PIP5K1B: variants seen among roughly 807,000 people sequenced by gnomAD.
PIP5K1B encodes the protein phosphatidylinositol 4-phosphate 5-kinase type-1 beta.
A neutral mutation model predicts 67.0 loss-of-function variants in PIP5K1B; 42 were observed. The observed-to-expected ratio is 0.63, with a 90% confidence interval of 0.49 to 0.81. The LOEUF is 0.81. Ranked by LOEUF, PIP5K1B falls within the 30% of genes least tolerant of loss-of-function variation. The probability of loss-of-function intolerance (pLI) is 0.00; values close to 1 mark genes in which losing one functional copy is unlikely to be tolerated. For synonymous variants in PIP5K1B, 214 were observed against 231.4 expected (o/e 0.92, Z 0.68); for missense variants, 459 against 646.3 (o/e 0.71, Z 3.14).
At chr9:68,991,757 G>A (rs1441293719) in intron 15 of PIP5K1B, among the ~76,000 whole-genome samples, 1 of 152,166 alleles carries the variant, frequency 6.6e-6, no homozygotes, top group African/African-American at 2.4e-5. Flanking sequence ...TGCCTAAGGA[G>A]GGAAATAATG....
At chr9:68,709,083 G>T (rs774738970) in intron 1 of PIP5K1B, among the ~76,000 whole-genome samples, 1 of 152,120 alleles carries the variant, frequency 6.6e-6, no homozygotes, top group Non-Finnish European at 1.5e-5. Flanking sequence ...TATGGTGAAG[G>T]TACAGTTTTG....
chr9:68,851,678 G>T (rs1023964956), intron 4 of PIP5K1B, among the ~76,000 whole-genome samples: 1 of 152,230 alleles, frequency 6.6e-6, no homozygotes, highest in Admixed American at 6.5e-5. Flanking sequence ...AGCATGGAAA[G>T]CCCAGAGATC....
In PIP5K1B at chr9:68,880,634, C is replaced by A. The variant is rs537299180; in HGVS notation, c.318+3840C>A. Among the ~76,000 whole-genome samples, 420 of 146,094 alleles carry A rather than the reference C, an allele frequency of 2.9e-3. 2 individuals are homozygous for A. Among genetic ancestry groups the A allele is most frequent in the African/African-American group, 0.01 (401 of 40,066 alleles). Reference sequence around the variant, plus strand: ...ACACACACGCATACACACACACACACACAAAATAGAGGGAAAGATAGAGCC... The same window carrying A: ...ACACACACGCATACACACACACACAAACAAAATAGAGGGAAAGATAGAGCC... On this transcript the variant is annotated intron_variant, in intron 6 of 15. Transcript: ENST00000265382.
chr9:68,849,302 T>A (rs1822356908), intron 4 of PIP5K1B, among the ~76,000 whole-genome samples: 1 of 152,076 alleles, frequency 6.6e-6, no homozygotes, highest in Admixed American at 6.6e-5. Context: ...AATAATGAGA[T>A]CTGTATAGAT....
intron 5 of PIP5K1B, among the ~76,000 whole-genome samples, chr9:68,869,869 C>G (rs1426452685): frequency 6.6e-6 from 1 of 152,150 alleles, no homozygotes; most frequent in African/African-American, 2.4e-5. Context: ...AACTCCTGAT[C>G]TATACAAACA....
At chr9:68,835,972 T>C (rs887318789) in intron 4 of PIP5K1B, among the ~76,000 whole-genome samples, 3 of 152,146 alleles carry the variant, frequency 2.0e-5, no homozygotes, top group Non-Finnish European at 2.9e-5. Context: ...TCCTCATCTG[T>C]CTCTGACTAC....
intron 8 of PIP5K1B, among the ~76,000 whole-genome samples, chr9:68,912,308 A>G (rs941721950): frequency 2.0e-5 from 3 of 152,190 alleles, no homozygotes; most frequent in Non-Finnish European, 4.4e-5. Context: ...TTTTTCCAAC[A>G]AAAGAGTCAA....
intron 6 of PIP5K1B, among the ~76,000 whole-genome samples, chr9:68,886,792 C>G (rs1484725644): frequency 6.6e-6 from 1 of 152,204 alleles, no homozygotes; most frequent in Non-Finnish European, 1.5e-5. Context: ...CAGAGTGGTC[C>G]TCTGCTCCAG....
intron 7 of PIP5K1B, among the ~76,000 whole-genome samples, chr9:68,893,982 A>C (rs913026987): frequency 6.6e-6 from 1 of 152,210 alleles, no homozygotes; most frequent in African/African-American, 2.4e-5. Flanking sequence ...AGGAGCTATT[A>C]AAATTTTAAA....
intron 6 of PIP5K1B, among the ~76,000 whole-genome samples, chr9:68,888,139 C>A (rs997199029): frequency 6.6e-6 from 1 of 151,998 alleles, no homozygotes; most frequent in Non-Finnish European, 1.5e-5. Flanking sequence ...CCACCACGCC[C>A]GGCCAATTTT....
At chr9:68,857,959 T>TTTGTTGTTG (rs71353086) in intron 4 of PIP5K1B, among the ~76,000 whole-genome samples, 9,269 of 149,350 alleles carry the variant, frequency 0.062, 619 homozygotes, top group East Asian at 0.19. Context: ...CTCTTGCTGT[T>TTTGTTGTTG]TTGTTGTTGT....
At chr9:68,834,032 A>G (rs1191776232) in intron 4 of PIP5K1B, among the ~76,000 whole-genome samples, 3 of 152,272 alleles carry the variant, frequency 2.0e-5, no homozygotes, top group African/African-American at 4.8e-5. Flanking sequence ...GGGAACATCC[A>G]TATTTTGATG....
chr9:68,871,476 T>C (rs1401116038), intron 5 of PIP5K1B, among the ~76,000 whole-genome samples: 1 of 152,178 alleles, frequency 6.6e-6, no homozygotes. Context: ...ATTCTGAACA[T>C]ACGTTGCCAT....
At chr9:68,816,922 A>G (rs2132049061) in intron 2 of PIP5K1B, among the ~76,000 whole-genome samples, 1 of 152,350 alleles carries the variant, frequency 6.6e-6, no homozygotes, top group East Asian at 1.9e-4. Context: ...ATAAAGGAAA[A>G]ATTGGCAGAT....
intron 5 of PIP5K1B, 26 bp from the exon 6 acceptor site, chr9:68,876,651 C>G: frequency 8.1e-7 from 1 of 1,241,578 alleles, no homozygotes; most frequent in Non-Finnish European, 1.2e-6. Context: ...CTTTCTTTCT[C>G]TCTCTTTTTA....
intron 2 of PIP5K1B, chr9:68,788,217 G>A: frequency 3.0e-6 from 1 of 337,756 alleles, no homozygotes; most frequent in Non-Finnish European, 5.5e-6. Context: ...GGCCCAGGAG[G>A]GGACTGTCCT....
intron 14 of PIP5K1B, among the ~76,000 whole-genome samples, chr9:68,968,231 G>A (rs1829141801): frequency 6.6e-6 from 1 of 152,148 alleles, no homozygotes; most frequent in Non-Finnish European, 1.5e-5. Flanking sequence ...TTAAGGACCT[G>A]TTCTGGGGCC....
intron 8 of PIP5K1B, among the ~76,000 whole-genome samples, chr9:68,914,672 A>C (rs1826012912): frequency 6.6e-6 from 1 of 152,066 alleles, no homozygotes; most frequent in Non-Finnish European, 1.5e-5. Flanking sequence ...CCGAGATTGC[A>C]CCACTGCACT....
rs76956601 is a variant in PIP5K1B, at chr9:68,852,831, A to G, written c.70-11006A>G. On this transcript the variant is annotated intron_variant, in intron 4 of 15. Transcript: ENST00000265382. Reference sequence around the variant, plus strand: ...ATCACCTGACAAAGGCAAGTGGATTATCATTCAGAGACACTCACTGTGGAC... The same window carrying G: ...ATCACCTGACAAAGGCAAGTGGATTGTCATTCAGAGACACTCACTGTGGAC... 5.9e-4 allele frequency among the ~76,000 whole-genome samples: 90 copies of G among 152,346 alleles called. No homozygotes were observed. The East Asian group carries it at 0.013, about 22-fold the overall frequency.
Sources: allele counts gnomAD v4.1 joint callset (sites outside exome capture counted in the v4.1 genomes callset), GRCh38; gene constraint gnomAD v4.1.1; transcripts MANE v1.5; gene names NCBI Gene and HGNC (gene_info 2026-07-23, HGNC 2026-07-21).